Variants in SLC24A2 observed in about 807,000 individuals in gnomAD.
SLC24A2 encodes the protein sodium/potassium/calcium exchanger 2.
In SLC24A2, 36 loss-of-function variants were observed where a neutral mutation model predicts 62.0. That is an observed-to-expected ratio of 0.58 (90% CI 0.44 to 0.77). The LOEUF is 0.77. SLC24A2 is among the 30% of genes least tolerant of loss of function. The pLI, the probability that SLC24A2 is intolerant of heterozygous loss-of-function variation, is 0.00. For missense variants in SLC24A2, 846 were observed against 817.9 expected (o/e 1.03, Z -0.42); for synonymous variants, 358 against 294.0 (o/e 1.22, Z -2.23).
intron 2 of SLC24A2, among the ~76,000 whole-genome samples, chr9:19,652,172 G>A (rs1293630820): frequency 6.6e-6 from 1 of 152,132 alleles, no homozygotes; most frequent in African/African-American, 2.4e-5. Flanking sequence ...ATACTCTCAT[G>A]TTTCATCAGT....
At chr9:20,157,821 G>C in the SLC24A2 span, among the ~76,000 whole-genome samples, 1 of 151,504 alleles carries the variant, frequency 6.6e-6, no homozygotes, top group Non-Finnish European at 1.5e-5. Flanking sequence ...ATCACCATTA[G>C]CATCATCTAT....
the SLC24A2 span, among the ~76,000 whole-genome samples, chr9:20,189,294 C>A: frequency 6.6e-6 from 1 of 152,052 alleles, no homozygotes; most frequent in African/African-American, 2.4e-5. Flanking sequence ...GCCAGAGTTT[C>A]CAGAGAACAA....
the SLC24A2 span, among the ~76,000 whole-genome samples, chr9:20,226,509 T>G: frequency 6.6e-6 from 1 of 152,142 alleles, no homozygotes; most frequent in Non-Finnish European, 1.5e-5. Context: ...ATGTGGGTTG[T>G]GACCCTGAGT....
chr9:20,108,445 A>G, the SLC24A2 span, among the ~76,000 whole-genome samples: 7 of 152,292 alleles, frequency 4.6e-5, no homozygotes, highest in African/African-American at 1.7e-4. Context: ...CTTGGAACCA[A>G]CCCAAATGTC....
chr9:20,050,920 T>A, the SLC24A2 span, among the ~76,000 whole-genome samples: 54 of 151,696 alleles, frequency 3.6e-4, 1 homozygote, highest in African/African-American at 1.3e-3. Flanking sequence ...ACTTCCAAAT[T>A]AACAGAAGAA....
the SLC24A2 span, among the ~76,000 whole-genome samples, chr9:20,247,723 C>T: frequency 6.6e-6 from 1 of 152,206 alleles, no homozygotes; most frequent in African/African-American, 2.4e-5. Context: ...TGATAATTTT[C>T]ACAATCAACT....
At chr9:19,530,617 C>T (rs1250618678) in intron 8 of SLC24A2, among the ~76,000 whole-genome samples, 1 of 152,040 alleles carries the variant, frequency 6.6e-6, no homozygotes, top group Non-Finnish European at 1.5e-5. Context: ...AGGTATAAAG[C>T]AAGGTATCAG....
chr9:20,049,398 C>G, the SLC24A2 span, among the ~76,000 whole-genome samples: 2 of 152,034 alleles, frequency 1.3e-5, no homozygotes, highest in African/African-American at 4.8e-5. Flanking sequence ...GCTAGCTAAA[C>G]TAAATAGTTT....
At chr9:20,231,809 T>TA in the SLC24A2 span, among the ~76,000 whole-genome samples, 27,544 of 152,116 alleles carry the variant, frequency 0.18, 3,512 homozygotes, top group African/African-American at 0.36. Context: ...CCCTGTCTTG[T>TA]GCCCGTTTTC....
rs116955128 is a variant in SLC24A2 at position 19,701,948 on chromosome 9, G to A, written c.931-79649C>T. On this transcript the variant is annotated intron_variant, in intron 2 of 10. Transcript: ENST00000341998. ...ACTCCAAGACTAGCAGTAGCCTACC[G>A]TGGATGGAAAACGATAACAAAGTTA... Among the ~76,000 whole-genome samples the A allele has an allele frequency of 1.2e-3, 182 of 152,254 alleles. 3 individuals carry two copies. The East Asian group carries it at 0.031, about 26-fold the overall frequency.
chr9:20,044,781 G>T, the SLC24A2 span, among the ~76,000 whole-genome samples: 3 of 152,098 alleles, frequency 2.0e-5, no homozygotes, highest in Non-Finnish European at 4.4e-5. Flanking sequence ...AGGCCCTAAT[G>T]CTACCATGCA....
At chr9:19,581,090 T>G (rs112898571) in intron 5 of SLC24A2, among the ~76,000 whole-genome samples, 1 of 152,128 alleles carries the variant, frequency 6.6e-6, no homozygotes, top group East Asian at 1.9e-4. Flanking sequence ...TGTAGGAGAA[T>G]TGTTGCCATC....
intron 6 of SLC24A2, 101 bp downstream of exon 6, chr9:19,576,823 G>A (rs1836025805): frequency 1.2e-6 from 1 of 842,388 alleles, no homozygotes; most frequent in South Asian, 1.3e-5. Flanking sequence ...GCAGCGGTGT[G>A]TGTGTCTGCA....
rs1349783612 is a variant in SLC24A2, at chr9:19,544,975, C to T, written c.1479+5162G>A. ...TTCCTGAATTTGAACGTTGGCCTGT[C>T]TTGCTAGGTTGGGGAACTTCTCCTG... On this transcript the variant is annotated intron_variant, in intron 8 of 10. Transcript: ENST00000341998. Among the ~76,000 whole-genome samples the T allele has an allele frequency of 2.0e-5, 3 of 152,152 alleles. No homozygotes were observed. The East Asian group carries it at 5.8e-4, about 29-fold the overall frequency.
the SLC24A2 span, chr9:19,896,011 G>A: frequency 2.0e-6 from 3 of 1,524,408 alleles, no homozygotes; most frequent in Non-Finnish European, 2.7e-6. Context: ...GTGACGGCAG[G>A]GTCGTGGGAA....
the SLC24A2 span, among the ~76,000 whole-genome samples, chr9:20,197,318 A>G: frequency 2.6e-5 from 4 of 152,110 alleles, no homozygotes; most frequent in South Asian, 2.1e-4. Flanking sequence ...CCCTTCCTAA[A>G]TGTATATGTT....
the SLC24A2 span, among the ~76,000 whole-genome samples, chr9:20,205,649 T>TAAAAAAAAAAAAAAAAA: frequency 3.1e-5 from 2 of 65,306 alleles, no homozygotes; most frequent in East Asian, 4.5e-4. Context: ...AGACTCCATC[T>TAAAAAAAAAAAAAAAAA]AAAAAAAAAA....
At chr9:19,754,498 C>G (rs1244536539) in intron 2 of SLC24A2, among the ~76,000 whole-genome samples, 2 of 152,170 alleles carry the variant, frequency 1.3e-5, no homozygotes, top group East Asian at 3.9e-4. Flanking sequence ...TCTGCAGAGG[C>G]TTGGAAATCT....
the SLC24A2 span, among the ~76,000 whole-genome samples, chr9:20,261,414 G>A: frequency 6.6e-6 from 1 of 152,184 alleles, no homozygotes; most frequent in Non-Finnish European, 1.5e-5. Context: ...GGATAGGCCA[G>A]CAAGCATGTG....
Sources: allele counts gnomAD v4.1 joint callset (sites outside exome capture counted in the v4.1 genomes callset), GRCh38; gene constraint gnomAD v4.1.1; transcripts MANE v1.5; gene names NCBI Gene and HGNC (gene_info 2026-07-23, HGNC 2026-07-21).